The following ST6GAL1 variants were observed in gnomAD, a reference collection of about 807,000 sequenced individuals.
ST6GAL1 encodes the protein beta-galactoside alpha-2,6-sialyltransferase 1.
A neutral mutation model predicts 38.0 loss-of-function variants in ST6GAL1; 20 were observed. The ratio of observed to expected loss-of-function variants is 0.53; its 90% confidence interval spans 0.37 to 0.77. The LOEUF (loss-of-function observed/expected upper bound fraction) is 0.77. Among genes scored for constraint, ST6GAL1 ranks in the 30% least tolerant of loss-of-function variants. ST6GAL1 has a pLI of 0.00. For missense variants in ST6GAL1, 432 were observed against 496.4 expected (o/e 0.87, Z 1.23); for synonymous variants, 196 against 188.2 (o/e 1.04, Z -0.34).
intron 2 of ST6GAL1, among the ~76,000 whole-genome samples, chr3:186,992,719 C>T (rs1405203951): frequency 6.6e-6 from 1 of 152,132 alleles, no homozygotes; most frequent in Non-Finnish European, 1.5e-5. Context: ...TCGCTTGAAC[C>T]TGGGAGGCAG....
intron 1 of ST6GAL1, among the ~76,000 whole-genome samples, chr3:186,959,332 T>C (rs1714856388): frequency 6.6e-6 from 1 of 152,056 alleles, no homozygotes; most frequent in Non-Finnish European, 1.5e-5. Flanking sequence ...GGGAGGCAGC[T>C]CTGGGAGGCA....
chr3:186,947,669 C>T (rs559344556), intron 1 of ST6GAL1, among the ~76,000 whole-genome samples: 1 of 152,200 alleles, frequency 6.6e-6, no homozygotes, highest in African/African-American at 2.4e-5. Context: ...GTCCAGACTC[C>T]ACCATCCAGC....
intron 2 of ST6GAL1, among the ~76,000 whole-genome samples, chr3:187,012,708 C>T (rs982224060): frequency 2.6e-5 from 4 of 152,338 alleles, no homozygotes; most frequent in Admixed American, 2.6e-4. Context: ...AGACTGGGTG[C>T]CAGGCCGTAG....
chr3:187,006,431 A>G (rs6788832), intron 2 of ST6GAL1: 63,780 of 152,002 alleles, frequency 0.42, 13,956 homozygotes, highest in African/African-American at 0.54. Flanking sequence ...GGAAGAGGTG[A>G]AAATAGAGCC....
intron 2 of ST6GAL1, among the ~76,000 whole-genome samples, chr3:187,016,886 G>A (rs6444194): frequency 6.6e-6 from 1 of 152,230 alleles, no homozygotes; most frequent in Non-Finnish European, 1.5e-5. Flanking sequence ...AGATCACCAC[G>A]TGGGGAGGAG....
intron 2 of ST6GAL1, among the ~76,000 whole-genome samples, chr3:187,021,154 G>A (rs563879649): frequency 1.6e-4 from 24 of 152,004 alleles, no homozygotes; most frequent in African/African-American, 5.8e-4. Flanking sequence ...AGTAGAGATG[G>A]GATTTCACCA....
chr3:187,030,497 A>C (rs1324620894), intron 2 of ST6GAL1, among the ~76,000 whole-genome samples: 1 of 152,100 alleles, frequency 6.6e-6, no homozygotes, highest in East Asian at 1.9e-4. Context: ...GCAGTGGTGC[A>C]ATCTCAGCTC....
chr3:186,972,014 G>A (rs1715365278), intron 2 of ST6GAL1, among the ~76,000 whole-genome samples: 2 of 152,322 alleles, frequency 1.3e-5, no homozygotes, highest in African/African-American at 4.8e-5. Flanking sequence ...CAATGACAGT[G>A]AATGATGATA....
intron 5 of ST6GAL1, among the ~76,000 whole-genome samples, chr3:187,071,478 G>C (rs1270358566): frequency 6.6e-6 from 1 of 151,380 alleles, no homozygotes; most frequent in Admixed American, 6.6e-5. Flanking sequence ...GGCCGGGCGC[G>C]GTGGCTCATG....
intron 2 of ST6GAL1, among the ~76,000 whole-genome samples, chr3:187,033,550 T>C (rs577164042): frequency 5.3e-5 from 8 of 152,268 alleles, no homozygotes; most frequent in Non-Finnish European, 1.2e-4. Flanking sequence ...AGTCACCATC[T>C]GAGTATACAG....
intron 4 of ST6GAL1, among the ~76,000 whole-genome samples, chr3:187,050,633 G>C (rs948637620): frequency 3.3e-5 from 5 of 151,698 alleles, no homozygotes; most frequent in African/African-American, 1.2e-4. Context: ...AGAGAGAGAG[G>C]AAGGAAGTTA....
At chr3:187,066,164 C>T (rs533199198) in intron 5 of ST6GAL1, among the ~76,000 whole-genome samples, 1 of 152,290 alleles carries the variant, frequency 6.6e-6, no homozygotes, top group Non-Finnish European at 1.5e-5. Context: ...GAACCCCTGC[C>T]ATACAGTCTA....
intron 5 of ST6GAL1, among the ~76,000 whole-genome samples, chr3:187,062,516 G>T (rs913681508): frequency 6.6e-6 from 1 of 151,098 alleles, no homozygotes; most frequent in East Asian, 1.9e-4. Flanking sequence ...AGAAAATACC[G>T]AGATTGGCTA....
chr3:186,978,469 G>C (rs192570430), intron 2 of ST6GAL1, among the ~76,000 whole-genome samples: 9 of 152,278 alleles, frequency 5.9e-5, no homozygotes, highest in African/African-American at 1.9e-4. Context: ...TGGTGTTCCA[G>C]GAGGGACTTG....
intron 2 of ST6GAL1, among the ~76,000 whole-genome samples, chr3:186,976,639 A>G (rs1338038462): frequency 6.6e-6 from 1 of 152,206 alleles, no homozygotes; most frequent in Non-Finnish European, 1.5e-5. Context: ...CATGTTAGCC[A>G]GGCTGGCCTC....
chr3:187,042,651 T>A lies in ST6GAL1; in HGVS notation c.-50-3T>A, dbSNP rs1718164343. 3.9e-6 allele frequency: 6 copies of A among 1,535,772 alleles called. No individual in the cohort carries two copies. Among genetic ancestry groups the A allele is most frequent in the African/African-American group, 1.4e-5 (1 of 71,958 alleles). ...TTGTTTTTCCTTGTCTCACTTTTTT[T>A]AGGCTTGTTTTCCTGCTCAGAACAA... is the stretch of plus-strand genomic sequence containing the variant. On this transcript the variant is annotated splice_polypyrimidine_tract_variant and splice_region_variant and intron_variant, in intron 3 of 7. Transcript: ENST00000169298.
intron 2 of ST6GAL1, among the ~76,000 whole-genome samples, chr3:187,031,656 G>A (rs4012164): frequency 0.52 from 79,092 of 151,922 alleles, 24,119 homozygotes; most frequent in African/African-American, 0.85. Flanking sequence ...GCTGGTCACG[G>A]GCTTCTGACT....
intron 4 of ST6GAL1, among the ~76,000 whole-genome samples, chr3:187,048,580 C>T (rs1411422573): frequency 6.6e-6 from 1 of 152,154 alleles, no homozygotes; most frequent in African/African-American, 2.4e-5. Context: ...CCGAAATTAT[C>T]TTATATGTAG....
intron 2 of ST6GAL1, among the ~76,000 whole-genome samples, chr3:186,983,054 A>G (rs1374089727): frequency 2.6e-5 from 4 of 152,100 alleles, no homozygotes; most frequent in South Asian, 2.1e-4. Flanking sequence ...AGGTACGCTA[A>G]GTTTGTCTCT....
Sources: gnomAD v4.1 joint callset for allele counts (sites outside exome capture counted in the v4.1 genomes callset) on GRCh38, gnomAD v4.1.1 for gene constraint, MANE v1.5 for transcripts, NCBI Gene and HGNC (gene_info 2026-07-23, HGNC 2026-07-21) for gene names.